Variants in TMEM232 observed in about 807,000 individuals in gnomAD.
TMEM232 encodes the protein transmembrane protein 232.
A neutral mutation model predicts 78.8 loss-of-function variants in TMEM232; 80 were observed. The observed-to-expected ratio is 1.01, with a 90% CI of 0.85 to 1.22. TMEM232 has a LOEUF of 1.22. Among genes scored for constraint, TMEM232 ranks in the 50% most tolerant of loss-of-function variants. The probability of loss-of-function intolerance (pLI) is 0.00; values close to 1 mark genes in which losing one functional copy is unlikely to be tolerated. For missense variants in TMEM232, 881 were observed against 742.2 expected, an observed-to-expected ratio of 1.19 and a Z score of -2.17; for synonymous variants, 297 against 254.3, an observed-to-expected ratio of 1.17 and a Z score of -1.60.
chr5:110,707,665 G>C (rs952701705), intron 1 of TMEM232, among the ~76,000 whole-genome samples: 3 of 152,192 alleles, frequency 2.0e-5, no homozygotes, highest in African/African-American at 7.2e-5. Context: ...CCAGCCTAGA[G>C]AGGCAACAAC....
At chr5:110,733,227 C>A (rs1027914742) in intron 2 of TMEM232, among the ~76,000 whole-genome samples, 1 of 152,132 alleles carries the variant, frequency 6.6e-6, no homozygotes, top group African/African-American at 2.4e-5. Context: ...GGAACAAACT[C>A]TTACATACCG....
chr5:110,690,115 C>A (rs1793926290), intron 1 of TMEM232, among the ~76,000 whole-genome samples: 1 of 152,192 alleles, frequency 6.6e-6, no homozygotes, highest in Admixed American at 6.5e-5. Flanking sequence ...GCAATGGCAA[C>A]AAAAGCCAAA....
intron 1 of TMEM232, among the ~76,000 whole-genome samples, chr5:110,673,293 C>T (rs999934101): frequency 5.2e-5 from 7 of 133,636 alleles, no homozygotes; most frequent in South Asian, 2.6e-4. Context: ...TCACACACCA[C>T]GGCCTGTTGT....
intron 2 of TMEM232, among the ~76,000 whole-genome samples, chr5:110,400,602 A>C (rs1755555728): frequency 6.6e-6 from 1 of 152,104 alleles, no homozygotes; most frequent in African/African-American, 2.4e-5. Flanking sequence ...CAAGTTTATA[A>C]ATGCCTTTAT....
intron 5 of TMEM232, among the ~76,000 whole-genome samples, chr5:110,630,806 T>C (rs865879227): frequency 8.5e-5 from 13 of 152,106 alleles, no homozygotes; most frequent in Middle Eastern, 3.2e-3. Flanking sequence ...GGGCTTGCTA[T>C]TGGGGGAAAG....
chr5:110,434,309 A>C (rs543823689), intron 12 of TMEM232, among the ~76,000 whole-genome samples: 1 of 151,826 alleles, frequency 6.6e-6, no homozygotes, highest in South Asian at 2.1e-4. Flanking sequence ...CCACAGAAAC[A>C]CAAAAATGCT....
At chr5:110,687,540 C>A (rs1793567630) in intron 1 of TMEM232, among the ~76,000 whole-genome samples, 1 of 152,024 alleles carries the variant, frequency 6.6e-6, no homozygotes, top group South Asian at 2.1e-4. Context: ...ACCTTATTGC[C>A]AATAAAATAA....
At chr5:110,716,466 G>C (rs1262615232) in intron 1 of TMEM232, among the ~76,000 whole-genome samples, 1 of 152,166 alleles carries the variant, frequency 6.6e-6, no homozygotes, top group Non-Finnish European at 1.5e-5. Flanking sequence ...GGCGATGGGA[G>C]ACAGTGACAG....
At chr5:110,615,652 GA>G (rs529735731) in intron 8 of TMEM232, among the ~76,000 whole-genome samples, 14 of 151,164 alleles carry the variant, frequency 9.3e-5, no homozygotes, top group African/African-American at 3.4e-4. Context: ...GCAAGAAAAA[GA>G]AAAAAAAGTC....
intron 12 of TMEM232, among the ~76,000 whole-genome samples, chr5:110,512,210 T>C (rs1767867190): frequency 6.6e-6 from 1 of 152,210 alleles, no homozygotes; most frequent in Non-Finnish European, 1.5e-5. Context: ...GTATAATTTT[T>C]ATTAAGTACT....
intron 5 of TMEM232, among the ~76,000 whole-genome samples, chr5:110,637,601 TA>T (rs1239114064): frequency 1.1e-3 from 164 of 151,820 alleles, no homozygotes; most frequent in African/African-American, 3.4e-3. Flanking sequence ...AAAACCATCT[TA>T]AAAAATACTT....
intron 2 of TMEM232, among the ~76,000 whole-genome samples, chr5:110,400,188 A>G (rs10491436): frequency 0.064 from 9,747 of 152,168 alleles, 651 homozygotes; most frequent in African/African-American, 0.17. Flanking sequence ...GGTATAGCTA[A>G]GTGAAAAATG....
At chr5:110,677,368 C>A (rs959461266) in intron 1 of TMEM232, among the ~76,000 whole-genome samples, 1 of 151,862 alleles carries the variant, frequency 6.6e-6, no homozygotes, top group African/African-American at 2.4e-5. Context: ...AGACACCAAG[C>A]AGAGAACCCA....
chr5:110,643,432 T>C (rs1052788732), intron 2 of TMEM232, among the ~76,000 whole-genome samples: 1 of 151,966 alleles, frequency 6.6e-6, no homozygotes, highest in African/African-American at 2.4e-5. Flanking sequence ...AGGGAAAATG[T>C]AGAGAGAGTA....
At chr5:110,633,224 A>G (rs543224461) in intron 5 of TMEM232, among the ~76,000 whole-genome samples, 2 of 152,344 alleles carry the variant, frequency 1.3e-5, no homozygotes, top group Admixed American at 1.3e-4. Context: ...AGGCTTACAA[A>G]AAATGTTCAA....
chr5:110,724,343 T>C (rs1444623853), intron 1 of TMEM232, among the ~76,000 whole-genome samples: 2 of 152,164 alleles, frequency 1.3e-5, no homozygotes, highest in African/African-American at 4.8e-5. Context: ...TTGACCTCTC[T>C]TGAGCTCTAG....
chr5:110,411,592 A>G (rs943645047), intron 2 of TMEM232, among the ~76,000 whole-genome samples: 7 of 152,200 alleles, frequency 4.6e-5, no homozygotes, highest in African/African-American at 1.2e-4. Context: ...TTAAAAAACA[A>G]TTCTCCATTT....
intron 12 of TMEM232, among the ~76,000 whole-genome samples, chr5:110,517,791 A>T (rs1561609053): frequency 6.6e-6 from 1 of 152,146 alleles, no homozygotes; most frequent in Non-Finnish European, 1.5e-5. Context: ...AGCAGATAGC[A>T]TTTTTTCTAA....
intron 12 of TMEM232, among the ~76,000 whole-genome samples, chr5:110,518,617 G>GA (rs538305767): frequency 2.7e-4 from 41 of 150,328 alleles, no homozygotes; most frequent in East Asian, 1.2e-3. Flanking sequence ...TAGAATTCTT[G>GA]AAAAAAAAAT....
Sources: gnomAD v4.1 joint callset for allele counts (sites outside exome capture counted in the v4.1 genomes callset) on GRCh38, gnomAD v4.1.1 for gene constraint, MANE v1.5 for transcripts, NCBI Gene and HGNC (gene_info 2026-07-23, HGNC 2026-07-21) for gene names.